ZNF33A: variants seen among roughly 807,000 people sequenced by gnomAD.
ZNF33A encodes the protein brain my041 protein.
ZNF33A carries 9 observed loss-of-function variants against 15.9 expected under a neutral mutation model. The observed-to-expected ratio is 0.57, with a 90% CI of 0.34 to 0.99. The LOEUF is 0.99. Ranked by LOEUF, ZNF33A falls within the 50% of genes least tolerant of loss-of-function variation. The pLI, the probability that ZNF33A is intolerant of heterozygous loss-of-function variation, is 0.02. For missense variants in ZNF33A, 843 were observed against 941.6 expected (o/e 0.90, Z 1.37); for synonymous variants, 294 against 324.2 (o/e 0.91, Z 1.00).
chr10:38,017,128 A>T, intron 3 of ZNF33A, 113 bp downstream of exon 3: 1 of 1,472,260 alleles, frequency 6.8e-7, no homozygotes, highest in Admixed American at 2.2e-5. Flanking sequence ...TTCAGGAGTC[A>T]GTGTTGATTG....
Position 38,055,419 on chromosome 10 carries a change from A to C in ZNF33A, c.1295A>C (p.Gln432Pro), listed in dbSNP as rs745704004. Residue 432 changes from glutamine to proline, a missense_variant, in exon 5 of 5, where the codon CAG becomes CCG. By Grantham distance (76) the Gln-to-Pro change is moderately conservative (BLOSUM62 -1). Transcript: ENST00000432900. ...CAGAAATCTGACCTCACTAAACATC[A>C]GAGAACACACACAGGGCTGAAACCC... ...FCQKSDLTKH[Q>P]RTHTGLKPYE... The C allele has an allele frequency of 1.1e-5, 17 of 1,614,032 alleles. No individual in the cohort carries two copies. Among genetic ancestry groups the C allele is most frequent in the Non-Finnish European group, 1.4e-5 (17 of 1,180,016 alleles).
At chr10:38,044,947 C>T (rs1467871536) in intron 4 of ZNF33A, among the ~76,000 whole-genome samples, 1 of 152,170 alleles carries the variant, frequency 6.6e-6, no homozygotes, top group African/African-American at 2.4e-5. Flanking sequence ...GGATTACAGG[C>T]GTGAGCCACC....
rs2065287454 is a variant in ZNF33A, at chr10:38,033,188, T to C, written c.250+15802T>C. On this transcript the variant is annotated intron_variant, in intron 4 of 4. Transcript: ENST00000432900. ...TGTGTGGAGTTGCCTAATCTGGATG[T>C]TTCATAAAAATGGAACTGTGTGTGA... Among the ~76,000 whole-genome samples the C allele has an allele frequency of 4.6e-5, 7 of 152,206 alleles. No homozygotes were observed. In the South Asian group the frequency reaches 1.2e-3, roughly 27 times the overall value.
At chr10:38,026,527 G>A (rs902805205) in intron 4 of ZNF33A, among the ~76,000 whole-genome samples, 5 of 152,116 alleles carry the variant, frequency 3.3e-5, no homozygotes, top group Non-Finnish European at 7.3e-5. Context: ...TAGAGACGGG[G>A]TTTCACCATG....
intron 2 of ZNF33A, among the ~76,000 whole-genome samples, chr10:38,013,189 A>G (rs1234538782): frequency 7.1e-6 from 1 of 140,730 alleles, no homozygotes; most frequent in Non-Finnish European, 1.6e-5. Context: ...TGGCTCACTG[A>G]AACTTCTGCC....
At chr10:38,022,049 C>T (rs1442912396) in intron 4 of ZNF33A, among the ~76,000 whole-genome samples, 1 of 152,060 alleles carries the variant, frequency 6.6e-6, no homozygotes, top group East Asian at 1.9e-4. Context: ...CGATAGGTTG[C>T]AAACCCATAA....
At chr10:38,014,161 T>C (rs966486863) in intron 2 of ZNF33A, among the ~76,000 whole-genome samples, 9 of 143,286 alleles carry the variant, frequency 6.3e-5, no homozygotes, top group Middle Eastern at 3.7e-3. Flanking sequence ...CCTGGCTAAG[T>C]CTCCCAAGTA....
chr10:38,031,604 T>A (rs1251521282), intron 4 of ZNF33A, among the ~76,000 whole-genome samples: 3 of 149,630 alleles, frequency 2.0e-5, no homozygotes, highest in African/African-American at 7.4e-5. Context: ...AAAAAAAGAA[T>A]TGTCTCCAAA....
At chr10:38,040,068 C>G (rs1223598532) in intron 4 of ZNF33A, among the ~76,000 whole-genome samples, 1 of 151,800 alleles carries the variant, frequency 6.6e-6, no homozygotes, top group Non-Finnish European at 1.5e-5. Context: ...ATTTTTATCT[C>G]AAAGCATTTT....
chr10:38,039,324 G>A, intron 4 of ZNF33A: 1 of 377,814 alleles, frequency 2.6e-6, no homozygotes, highest in South Asian at 1.9e-5. Flanking sequence ...CCAGGCTCAG[G>A]CAATTTTCCC....
intron 4 of ZNF33A, among the ~76,000 whole-genome samples, chr10:38,035,640 C>T (rs1198913805): frequency 6.6e-6 from 1 of 152,120 alleles, no homozygotes; most frequent in Admixed American, 6.5e-5. Context: ...CTATTTTTTA[C>T]ATTTGTAATG....
At chr10:38,041,213 G>T (rs558601259) in intron 4 of ZNF33A, among the ~76,000 whole-genome samples, 1 of 152,054 alleles carries the variant, frequency 6.6e-6, no homozygotes, top group South Asian at 2.1e-4. Flanking sequence ...TTTTAGTGTG[G>T]CCATCAGCAG....
chr10:38,060,182 T>C (rs564811673), downstream of ZNF33A: 2 of 798,588 alleles, frequency 2.5e-6, no homozygotes, highest in South Asian at 5.7e-5. Flanking sequence ...TATTTTAAAT[T>C]ATGGTAACTG....
intron 4 of ZNF33A, among the ~76,000 whole-genome samples, chr10:38,031,888 G>A (rs759709715): frequency 1.4e-4 from 22 of 152,048 alleles, no homozygotes; most frequent in Non-Finnish European, 2.6e-4. Flanking sequence ...GCTTGAACCC[G>A]GGAGGCGGAG....
Position 38,054,793 on chromosome 10 carries a change from A to G in ZNF33A, c.669A>G (p.Ile223Met). ...TAGAGCACAATTTTGAATACAGTAT[A>G]TGTCAGGAAACCCTCCTTGAAAAGG... is the stretch of plus-strand genomic sequence containing the variant. ...QTLEHNFEYSICQETLLEKAV... is the reference protein window; with the variant it reads ...QTLEHNFEYSMCQETLLEKAV... Residue 223 changes from isoleucine (I) to methionine (M), a missense_variant, in exon 5 of 5, where the codon ATA (isoleucine) becomes ATG (methionine). Physicochemically the swap from Ile to Met is conservative, Grantham distance 10. Coordinates refer to ENST00000432900, the MANE Select transcript of ZNF33A (RefSeq NM_006954.2). 1 of 1,613,698 alleles carries G rather than the reference A, an allele frequency of 6.2e-7. No individual in the cohort carries two copies. Among genetic ancestry groups the G allele is most frequent in the Non-Finnish European group, 8.5e-7 (1 of 1,179,958 alleles).
intron 2 of ZNF33A, chr10:38,015,839 T>C (rs2064428308): frequency 4.7e-6 from 2 of 428,170 alleles, no homozygotes; most frequent in East Asian, 3.6e-5. Context: ...TGGTTTCTTC[T>C]ACAGTAGTTT....
In ZNF33A at chr10:38,054,727, T is replaced by C; in HGVS notation, c.603T>C (p.Ser201=). 6.2e-7 allele frequency: 1 copy of C among 1,613,752 alleles called. No homozygotes were observed. ...TTTTGAAAAATAGGAACACACTGAG[T>C]CATCATGAGGAGACTTTGCAGCATG... ...NEVLKNRNTL[S]HHEETLQHEK... Residue 201 remains serine, a synonymous_variant, in exon 5 of 5, where the codon AGT becomes AGC. Transcript: ENST00000432900.
intron 4 of ZNF33A, among the ~76,000 whole-genome samples, chr10:38,034,892 A>G (rs139141835): frequency 6.6e-6 from 1 of 152,306 alleles, no homozygotes; most frequent in African/African-American, 2.4e-5. Context: ...CAGCTGACAG[A>G]ACAGGGAAAT....
chr10:38,024,640 T>C (rs1428225832), intron 4 of ZNF33A, among the ~76,000 whole-genome samples: 2 of 152,232 alleles, frequency 1.3e-5, no homozygotes, highest in Admixed American at 1.3e-4. Flanking sequence ...AGAAAAAGAA[T>C]AGTAGGAATT....
Sources: gnomAD v4.1 joint callset for allele counts (sites outside exome capture counted in the v4.1 genomes callset) on GRCh38, gnomAD v4.1.1 for gene constraint, MANE v1.5 for transcripts, NCBI Gene and HGNC (gene_info 2026-07-23, HGNC 2026-07-21) for gene names.